The following PALM2AKAP2 variants were observed in gnomAD, a reference collection of about 807,000 sequenced individuals.
PALM2AKAP2 encodes PALM2 and AKAP2 fusion.
A neutral mutation model predicts 71.5 loss-of-function variants in PALM2AKAP2; 37 were observed. The ratio of observed to expected loss-of-function variants is 0.52; its 90% CI spans 0.40 to 0.68. The LOEUF (loss-of-function observed/expected upper bound fraction) is 0.68, where lower values mean the gene tolerates loss of function less well. Ranked by LOEUF, PALM2AKAP2 falls within the 30% of genes least tolerant of loss-of-function variation. The pLI, the probability that PALM2AKAP2 is intolerant of heterozygous loss-of-function variation, is 0.00. For missense variants in PALM2AKAP2, 1,224 were observed against 1,191.8 expected (o/e 1.03, Z -0.40); for synonymous variants, 468 against 478.8 (o/e 0.98, Z 0.29).
At chr9:109,709,686 G>A (rs950076048) in intron 1 of PALM2AKAP2, among the ~76,000 whole-genome samples, 5 of 152,168 alleles carry the variant, frequency 3.3e-5, no homozygotes, top group African/African-American at 1.2e-4. Flanking sequence ...TAGAAAGAAT[G>A]GGTCAGAAGC....
At chr9:109,867,914 TG>T (rs1246450869) in intron 2 of PALM2AKAP2, among the ~76,000 whole-genome samples, 1 of 152,174 alleles carries the variant, frequency 6.6e-6, no homozygotes, top group African/African-American at 2.4e-5. Context: ...GCATAGGTGC[TG>T]GGTGTGTTTG....
At chr9:109,834,480 A>G (rs897918307) in intron 1 of PALM2AKAP2, among the ~76,000 whole-genome samples, 1 of 152,170 alleles carries the variant, frequency 6.6e-6, no homozygotes, top group African/African-American at 2.4e-5. Flanking sequence ...GCACTTCCCA[A>G]TCATCATGTA....
intron 1 of PALM2AKAP2, among the ~76,000 whole-genome samples, chr9:110,077,347 A>G (rs912931078): frequency 6.6e-6 from 1 of 152,252 alleles, no homozygotes; most frequent in African/African-American, 2.4e-5. Flanking sequence ...GATAGCTTTC[A>G]TAATTACTAT....
chr9:109,683,080 C>G (rs1318733684), intron 1 of PALM2AKAP2, among the ~76,000 whole-genome samples: 1 of 152,094 alleles, frequency 6.6e-6, no homozygotes, highest in African/African-American at 2.4e-5. Flanking sequence ...TGTGGCACCT[C>G]CCCTCCCCGC....
chr9:110,060,605 T>C (rs1833943879), intron 1 of PALM2AKAP2, among the ~76,000 whole-genome samples: 1 of 151,500 alleles, frequency 6.6e-6, no homozygotes, highest in Non-Finnish European at 1.5e-5. Context: ...GGAGTTTTTG[T>C]TTGTTTGTTT....
intron 3 of PALM2AKAP2, among the ~76,000 whole-genome samples, chr9:109,908,682 T>C (rs1418683192): frequency 2.0e-5 from 3 of 152,230 alleles, no homozygotes; most frequent in Non-Finnish European, 4.4e-5. Context: ...TACTAACTCA[T>C]GCGTCTTGAA....
intron 2 of PALM2AKAP2, among the ~76,000 whole-genome samples, chr9:109,880,075 A>G (rs1013717866): frequency 1.3e-5 from 2 of 152,224 alleles, no homozygotes; most frequent in Non-Finnish European, 2.9e-5. Flanking sequence ...GAGTCATTGA[A>G]GAAGAGTCTT....
intron 1 of PALM2AKAP2, among the ~76,000 whole-genome samples, chr9:110,062,371 G>A (rs911596510): frequency 2.0e-5 from 3 of 152,050 alleles, no homozygotes; most frequent in Admixed American, 6.6e-5. Context: ...GCATTAGTTT[G>A]CTGAGGATAA....
chr9:109,938,756 C>A (rs1027241949), intron 6 of PALM2AKAP2, among the ~76,000 whole-genome samples: 1 of 152,102 alleles, frequency 6.6e-6, no homozygotes, highest in Non-Finnish European at 1.5e-5. Flanking sequence ...TGGCCGGGTG[C>A]GGTAGCTCAC....
At chr9:109,995,952 G>A (rs2132255980) in intron 6 of PALM2AKAP2, among the ~76,000 whole-genome samples, 1 of 152,342 alleles carries the variant, frequency 6.6e-6, no homozygotes, top group Middle Eastern at 3.4e-3. Flanking sequence ...GCTTCTCCAT[G>A]AATCCAAGGG....
At chr9:110,097,217 C>T (rs940249031) in intron 1 of PALM2AKAP2, among the ~76,000 whole-genome samples, 8 of 150,552 alleles carry the variant, frequency 5.3e-5, no homozygotes, top group Non-Finnish European at 1.2e-4. Context: ...GCCCTTAATC[C>T]ATTTAACCCT....
chr9:109,809,894 C>T (rs986764233), intron 1 of PALM2AKAP2, among the ~76,000 whole-genome samples: 6 of 152,090 alleles, frequency 3.9e-5, no homozygotes, highest in African/African-American at 1.4e-4. Flanking sequence ...TTCTTCCTGC[C>T]GCCATATGAA....
At chr9:109,652,936 A>C (rs1050046046) in intron 1 of PALM2AKAP2, among the ~76,000 whole-genome samples, 1 of 152,242 alleles carries the variant, frequency 6.6e-6, no homozygotes, top group East Asian at 1.9e-4. Context: ...TTCTAAGATG[A>C]GGTCAAAATC....
At chr9:110,137,665 C>T (rs552999944) in exon 2 of PALM2AKAP2, 21 of 1,613,794 alleles carry the variant, frequency 1.3e-5, no homozygotes, top group Admixed American at 6.7e-5. Context: ...CTGGTCTGGA[C>T]GAATTGTCGG....
At chr9:109,913,958 A>G (rs1318062926) in intron 3 of PALM2AKAP2, among the ~76,000 whole-genome samples, 1 of 152,002 alleles carries the variant, frequency 6.6e-6, no homozygotes. Flanking sequence ...GGGTTTCACC[A>G]TGTTAGCCAG....
intron 1 of PALM2AKAP2, among the ~76,000 whole-genome samples, chr9:110,055,200 T>G (rs1407006327): frequency 6.6e-6 from 1 of 151,836 alleles, no homozygotes; most frequent in Non-Finnish European, 1.5e-5. Flanking sequence ...ATTTATTTAT[T>G]TATTTATTTT....
At chr9:109,835,247 G>A (rs1828431337) in intron 1 of PALM2AKAP2, among the ~76,000 whole-genome samples, 1 of 141,466 alleles carries the variant, frequency 7.1e-6, no homozygotes, top group African/African-American at 2.6e-5. Context: ...AGGGAAAGAG[G>A]AGAGGGTGTA....
chr9:110,065,534 A>T (rs561930820), intron 1 of PALM2AKAP2, among the ~76,000 whole-genome samples: 1 of 152,136 alleles, frequency 6.6e-6, no homozygotes, highest in Non-Finnish European at 1.5e-5. Flanking sequence ...CCTGTTTTTC[A>T]TTTTAATTGT....
intron 5 of PALM2AKAP2, among the ~76,000 whole-genome samples, chr9:109,926,280 A>AT (rs1057428004): frequency 4.0e-5 from 6 of 151,742 alleles, no homozygotes; most frequent in Admixed American, 6.6e-5. Flanking sequence ...GTGATTTTTA[A>AT]TTTTTTTTTC....
Sources: allele counts gnomAD v4.1 joint callset (sites outside exome capture counted in the v4.1 genomes callset), GRCh38; gene constraint gnomAD v4.1.1; transcripts MANE v1.5; gene names NCBI Gene and HGNC (gene_info 2026-07-23, HGNC 2026-07-21).